The following RCAN1 variants were observed in gnomAD, a reference collection of about 807,000 sequenced individuals.
RCAN1 encodes regulator of calcineurin 1.
Under a neutral mutation model 22.9 loss-of-function variants are expected in RCAN1, and 11 were observed. That is an observed-to-expected ratio of 0.48 (90% CI 0.30 to 0.79). The LOEUF (loss-of-function observed/expected upper bound fraction) is 0.79. Ranked by LOEUF, RCAN1 falls within the 30% of genes least tolerant of loss-of-function variation. The pLI is 0.06. For missense variants in RCAN1, 291 were observed against 337.8 expected (o/e 0.86, Z 1.09); for synonymous variants, 136 against 142.3 (o/e 0.96, Z 0.32).
chr21:34,517,963 C>A lies in RCAN1; in HGVS notation c.*121G>T. 1 of 1,205,922 alleles carries A rather than the reference C, an allele frequency of 8.3e-7. No homozygotes were observed. Among genetic ancestry groups the A allele is most frequent in the South Asian group, 1.4e-5 (1 of 72,104 alleles). 74.7% of individuals were successfully genotyped at this position (1,205,922 alleles called of 1,614,324 possible). On this transcript the variant is annotated 3_prime_UTR_variant, in exon 4 of 4. Transcript: ENST00000313806. ...TTGATTCTCTTCTGAGCAACATGAA[C>A]TGGGATTTCTGCCACCCCGATCTCG...
chr21:34,519,807 A>C (rs1238988190), intron 3 of RCAN1, among the ~76,000 whole-genome samples: 1 of 152,118 alleles, frequency 6.6e-6, no homozygotes, highest in Non-Finnish European at 1.5e-5. Context: ...CTCCAGCCAC[A>C]CTGGTTACTC....
chr21:34,524,790 C>G (rs1019847284), intron 1 of RCAN1, among the ~76,000 whole-genome samples: 11 of 152,052 alleles, frequency 7.2e-5, no homozygotes, highest in Admixed American at 5.9e-4. Context: ...TGGGGGATTA[C>G]AAGCTTAGGT....
intron 1 of RCAN1, among the ~76,000 whole-genome samples, chr21:34,541,829 G>A (rs572313438): frequency 6.6e-6 from 1 of 152,272 alleles, no homozygotes; most frequent in African/African-American, 2.4e-5. Context: ...AGCTACTCGG[G>A]AGGCTGAGGC....
intron 1 of RCAN1, among the ~76,000 whole-genome samples, chr21:34,572,677 G>A (rs374437052): frequency 7.9e-5 from 12 of 152,158 alleles, no homozygotes; most frequent in Admixed American, 2.0e-4. Context: ...GTATTAGTCC[G>A]GTCTCACACT....
intron 1 of RCAN1, among the ~76,000 whole-genome samples, chr21:34,563,048 G>A (rs1189916905): frequency 6.6e-6 from 1 of 151,928 alleles, no homozygotes; most frequent in Non-Finnish European, 1.5e-5. Flanking sequence ...ACCTCCACAC[G>A]CACACCATTG....
At chr21:34,608,071 C>G (rs942577688) in intron 1 of RCAN1, among the ~76,000 whole-genome samples, 1 of 152,172 alleles carries the variant, frequency 6.6e-6, no homozygotes, top group Non-Finnish European at 1.5e-5. Context: ...ATGGGACCAT[C>G]TAATTGCAGG....
intron 1 of RCAN1, among the ~76,000 whole-genome samples, chr21:34,561,306 G>A (rs1394489426): frequency 1.3e-5 from 2 of 151,988 alleles, no homozygotes; most frequent in African/African-American, 4.8e-5. Flanking sequence ...GAGTAAATAC[G>A]GGATAAAAGT....
chr21:34,581,410 A>T (rs894655178), intron 1 of RCAN1, among the ~76,000 whole-genome samples: 2 of 152,246 alleles, frequency 1.3e-5, no homozygotes, highest in Non-Finnish European at 2.9e-5. Context: ...AGAGAGCTGA[A>T]AAATGAATTG....
chr21:34,559,015 A>G (rs1986691623), intron 1 of RCAN1, among the ~76,000 whole-genome samples: 1 of 152,244 alleles, frequency 6.6e-6, no homozygotes, highest in Non-Finnish European at 1.5e-5. Flanking sequence ...TACAAGAAAC[A>G]TTCCACCTAA....
At chr21:34,562,557 C>T (rs1205694079) in intron 1 of RCAN1, among the ~76,000 whole-genome samples, 1 of 152,172 alleles carries the variant, frequency 6.6e-6, no homozygotes, top group African/African-American at 2.4e-5. Context: ...TTATCCTAGA[C>T]TTTGAAAGTC....
intron 1 of RCAN1, among the ~76,000 whole-genome samples, chr21:34,528,768 T>C (rs1188270891): frequency 6.6e-6 from 1 of 152,144 alleles, no homozygotes; most frequent in Non-Finnish European, 1.5e-5. Flanking sequence ...CATTAAAAGG[T>C]GATCAGAAGA....
Position 34,584,983 on chromosome 21 carries a change from T to C in RCAN1, c.252+29777A>G, listed in dbSNP as rs115214940. ...TTTAATGGATATTACTTCTGCCTGC[T>C]CCAAGGGCAATGTTCAGTTTCCACA... On this transcript the variant is annotated intron_variant, in intron 1 of 3. Coordinates refer to ENST00000313806, the MANE Select transcript of RCAN1 (RefSeq NM_004414.7). 3.0e-3 allele frequency among the ~76,000 whole-genome samples: 451 copies of C among 152,374 alleles called. 4 individuals are homozygous for C. Among genetic ancestry groups the C allele is most frequent in the African/African-American group, 0.01 (427 of 41,584 alleles).
At chr21:34,592,868 T>C (rs1243137632) in intron 1 of RCAN1, among the ~76,000 whole-genome samples, 2 of 152,168 alleles carry the variant, frequency 1.3e-5, no homozygotes, top group African/African-American at 2.4e-5. Context: ...CTTTACTTAA[T>C]TGGAGCACCA....
At chr21:34,531,464 C>T (rs1053598395) in intron 1 of RCAN1, among the ~76,000 whole-genome samples, 1 of 152,188 alleles carries the variant, frequency 6.6e-6, no homozygotes, top group African/African-American at 2.4e-5. Context: ...CATCCTTCAC[C>T]GTGCATAGTG....
chr21:34,558,391 A>AGG (rs1568907934), intron 1 of RCAN1, among the ~76,000 whole-genome samples: 1 of 151,914 alleles, frequency 6.6e-6, no homozygotes, highest in Non-Finnish European at 1.5e-5. Flanking sequence ...GCTGACACCC[A>AGG]ACTCCACCTC....
chr21:34,614,507 C>T lies in RCAN1; in HGVS notation c.252+253G>A. On this transcript the variant is annotated intron_variant, in intron 1 of 3. Transcript: ENST00000313806. The surrounding 1 kb of genome is among the most constrained non-coding windows in gnomAD (Gnocchi z 6.0). Reference sequence around the variant, plus strand: ...CCCCCTAGTCGCACCAGCCTGGGCGCACACGGGGGCCGGGGCGAGCCTGTG... The same window carrying T: ...CCCCCTAGTCGCACCAGCCTGGGCGTACACGGGGGCCGGGGCGAGCCTGTG... 1 of 1,044,044 alleles carries T rather than the reference C, an allele frequency of 9.6e-7. No individual in the cohort carries two copies. Among genetic ancestry groups the T allele is most frequent in the African/African-American group, 1.7e-5 (1 of 58,966 alleles). 64.7% of individuals were successfully genotyped at this position (1,044,044 alleles called of 1,614,324 possible).
intron 1 of RCAN1, among the ~76,000 whole-genome samples, chr21:34,545,285 C>T (rs1043310320): frequency 6.6e-6 from 1 of 152,186 alleles, no homozygotes; most frequent in East Asian, 1.9e-4. Flanking sequence ...GCCCTTGTCA[C>T]CCACCCTTCC....
chr21:34,525,569 A>T, intron 1 of RCAN1: 1 of 479,476 alleles, frequency 2.1e-6, no homozygotes, highest in Non-Finnish European at 3.5e-6. Flanking sequence ...AATTTGGGAG[A>T]GATGACTTTG....
chr21:34,561,625 A>C (rs1001795609), intron 1 of RCAN1, among the ~76,000 whole-genome samples: 6 of 152,264 alleles, frequency 3.9e-5, no homozygotes, highest in African/African-American at 1.4e-4. Context: ...TGCAAGAACT[A>C]GCACTTTCTG....
Sources: gnomAD v4.1 joint callset for allele counts (sites outside exome capture counted in the v4.1 genomes callset) on GRCh38, gnomAD v4.1.1 for gene constraint, Gnocchi (gnomAD v3.1) non-coding constraint, MANE v1.5 for transcripts, NCBI Gene and HGNC (gene_info 2026-07-23, HGNC 2026-07-21) for gene names.